Variants in SNX30 observed in about 807,000 individuals in gnomAD.
SNX30 encodes the protein sorting nexin-30.
Under a neutral mutation model 46.4 loss-of-function variants are expected in SNX30, and 24 were observed. That is an observed-to-expected ratio of 0.52 (90% CI 0.37 to 0.73). SNX30 has a LOEUF of 0.73. Among genes scored for constraint, SNX30 ranks in the 30% least tolerant of loss-of-function variants. The pLI is 0.00. For missense variants in SNX30, 533 were observed against 555.7 expected, an observed-to-expected ratio of 0.96 and a Z score of 0.41; for synonymous variants, 189 against 211.5, an observed-to-expected ratio of 0.89 and a Z score of 0.92.
chr9:112,781,311 AT>A (rs1839843656), intron 1 of SNX30, among the ~76,000 whole-genome samples: 2 of 152,146 alleles, frequency 1.3e-5, no homozygotes, highest in African/African-American at 4.8e-5. Context: ...TTAAATACTG[AT>A]TTTTCAAAAC....
At chr9:112,846,537 C>G (rs1303015868) in intron 6 of SNX30, among the ~76,000 whole-genome samples, 4 of 152,206 alleles carry the variant, frequency 2.6e-5, no homozygotes, top group Non-Finnish European at 5.9e-5. Flanking sequence ...ATTTTCCTGC[C>G]TGCAGGAAAG....
At chr9:112,834,341 T>C (rs570812624) in intron 4 of SNX30, among the ~76,000 whole-genome samples, 2 of 152,268 alleles carry the variant, frequency 1.3e-5, no homozygotes, top group East Asian at 3.9e-4. Flanking sequence ...CTCCAAAACT[T>C]CTGACCAGCC....
At chr9:112,807,052 C>CTTTTTTTTTT (rs10554051) in intron 2 of SNX30, among the ~76,000 whole-genome samples, 2 of 63,030 alleles carry the variant, frequency 3.2e-5, no homozygotes, top group Non-Finnish European at 5.3e-5. Flanking sequence ...TCTTTTCTAT[C>CTTTTTTTTTT]TTTTTTTTTT....
chr9:112,769,966 A>T (rs557721806), intron 1 of SNX30, among the ~76,000 whole-genome samples: 1 of 152,052 alleles, frequency 6.6e-6, no homozygotes, highest in Admixed American at 6.5e-5. Context: ...CCATGTCCAG[A>T]ATCTCATCAC....
intron 1 of SNX30, among the ~76,000 whole-genome samples, chr9:112,796,820 GCCCTTC>G (rs1475622934): frequency 6.6e-6 from 1 of 152,072 alleles, no homozygotes; most frequent in Non-Finnish European, 1.5e-5. Context: ...GTGTCCCATT[GCCCTTC>G]CCAGATGTCC....
intron 7 of SNX30, among the ~76,000 whole-genome samples, chr9:112,863,606 A>G (rs1841273048): frequency 6.6e-6 from 1 of 152,228 alleles, no homozygotes; most frequent in South Asian, 2.1e-4. Context: ...TGACATGCAT[A>G]AGTAACTTTC....
At chr9:112,763,797 C>T (rs369422092) in intron 1 of SNX30, among the ~76,000 whole-genome samples, 13 of 149,722 alleles carry the variant, frequency 8.7e-5, no homozygotes, top group Middle Eastern at 3.5e-3. Context: ...TGCAGTGAGC[C>T]AAGATTGTGC....
At chr9:112,812,560 A>G (rs936573400) in intron 2 of SNX30, among the ~76,000 whole-genome samples, 2 of 152,134 alleles carry the variant, frequency 1.3e-5, no homozygotes, top group African/African-American at 2.4e-5. Context: ...GACCTTGAGC[A>G]TCCCTTTCAT....
At chr9:112,776,811 A>G (rs1449570379) in intron 1 of SNX30, among the ~76,000 whole-genome samples, 2 of 152,238 alleles carry the variant, frequency 1.3e-5, no homozygotes, top group Non-Finnish European at 2.9e-5. Context: ...GGCTGATAAC[A>G]GGACAGCAGG....
intron 1 of SNX30, among the ~76,000 whole-genome samples, chr9:112,794,466 C>A (rs1237942858): frequency 6.6e-6 from 1 of 152,158 alleles, no homozygotes; most frequent in African/African-American, 2.4e-5. Context: ...ATTCTTTAAG[C>A]ATCTGCTGTG....
chr9:112,843,834 C>T (rs1213861866), intron 6 of SNX30, among the ~76,000 whole-genome samples: 3 of 152,024 alleles, frequency 2.0e-5, no homozygotes, highest in African/African-American at 7.2e-5. Context: ...AGGCTGGTCT[C>T]GAACTCCTGA....
chr9:112,882,795 A>C (rs1430481723), downstream of SNX30, among the ~76,000 whole-genome samples: 2 of 152,154 alleles, frequency 1.3e-5, no homozygotes, highest in African/African-American at 4.8e-5. Context: ...GGAGGGTATC[A>C]AGAACCCTAT....
intron 6 of SNX30, among the ~76,000 whole-genome samples, chr9:112,849,557 A>T (rs1233913034): frequency 6.6e-6 from 1 of 152,230 alleles, no homozygotes; most frequent in Non-Finnish European, 1.5e-5. Context: ...CTTAGGAGAC[A>T]GCTGAGTGGC....
chr9:112,787,438 G>A (rs10981506), intron 1 of SNX30, among the ~76,000 whole-genome samples: 2,245 of 152,256 alleles, frequency 0.015, 53 homozygotes, highest in East Asian at 0.12. Flanking sequence ...AGCCCCATAG[G>A]TAGGGTATGG....
intron 7 of SNX30, among the ~76,000 whole-genome samples, chr9:112,856,404 G>T (rs145828823): frequency 6.7e-6 from 1 of 150,114 alleles, no homozygotes; most frequent in East Asian, 2.0e-4. Flanking sequence ...TAGGGAGGGC[G>T]TGTGGTGTGT....
At chr9:112,767,424 A>T (rs937429575) in intron 1 of SNX30, among the ~76,000 whole-genome samples, 1 of 152,086 alleles carries the variant, frequency 6.6e-6, no homozygotes, top group Non-Finnish European at 1.5e-5. Context: ...TTCGGACAAA[A>T]CATAAGTTTT....
intron 4 of SNX30, among the ~76,000 whole-genome samples, chr9:112,835,984 C>G (rs537642609): frequency 6.6e-6 from 1 of 152,092 alleles, no homozygotes; most frequent in South Asian, 2.1e-4. Context: ...TAAGGATTGG[C>G]GTTCAGCTCT....
chr9:112,865,624 CATAT>C (rs796986603), intron 8 of SNX30, among the ~76,000 whole-genome samples: 6,062 of 78,852 alleles, frequency 0.077, 376 homozygotes, highest in East Asian at 0.21. Flanking sequence ...CCTGTCACGC[CATAT>C]ATATATATAT....
intron 7 of SNX30, among the ~76,000 whole-genome samples, chr9:112,855,365 T>C (rs1167769741): frequency 2.0e-5 from 3 of 152,112 alleles, no homozygotes; most frequent in African/African-American, 7.2e-5. Flanking sequence ...GGTCCCCTGG[T>C]ATGGGCATGG....
Sources: gnomAD v4.1 joint callset for allele counts (sites outside exome capture counted in the v4.1 genomes callset) on GRCh38, gnomAD v4.1.1 for gene constraint, MANE v1.5 for transcripts, NCBI Gene and HGNC (gene_info 2026-07-23, HGNC 2026-07-21) for gene names.